Variants in GPR84 observed in about 807,000 individuals in gnomAD.
The protein encoded by GPR84 is G-protein coupled receptor 84.
Under a neutral mutation model 14.9 loss-of-function variants are expected in GPR84, and 8 were observed. That is an observed-to-expected ratio of 0.54 (90% CI 0.31 to 0.97). The LOEUF is 0.97. Ranked by LOEUF, GPR84 falls within the 50% of genes least tolerant of loss-of-function variation. The pLI, the probability that GPR84 is intolerant of heterozygous loss-of-function variation, is 0.04. For synonymous variants in GPR84, 164 were observed against 198.1 expected, an observed-to-expected ratio of 0.83 and a Z score of 1.45; for missense variants, 424 against 498.7, an observed-to-expected ratio of 0.85 and a Z score of 1.43.
At chr12:54,356,492 C>T in the GPR84 span, among the ~76,000 whole-genome samples, 19 of 152,242 alleles carry the variant, frequency 1.2e-4, no homozygotes, top group African/African-American at 4.3e-4. Context: ...GGACAGCTCC[C>T]GCAGCTTCTC....
At chr12:54,356,523 C>T in the GPR84 span, among the ~76,000 whole-genome samples, 1 of 152,224 alleles carries the variant, frequency 6.6e-6, no homozygotes, top group African/African-American at 2.4e-5. Context: ...TGGAAGCCCA[C>T]CACCAGCCCC....
rs748207216 is a variant in GPR84 at position 54,362,941 on chromosome 12, G to A, written c.911C>T (p.Ala304Val). The change falls in exon 2 of 2, where the codon GCC becomes GTC. Residue 304 changes from alanine (A) to valine (V), a missense_variant. Transcript: ENST00000267015. The surrounding 1 kb of genome is among the most constrained non-coding windows in gnomAD (Gnocchi z 4.0). Reference sequence around the variant, plus strand: ...CGATGAAGAATCCGGAGCTCTTCTGGCTCCTTTAATTGGCTGGGCTTTGGC... The same window carrying A: ...CGATGAAGAATCCGGAGCTCTTCTGACTCCTTTAATTGGCTGGGCTTTGGC... Reference protein sequence around the residue: ...ASAKAQPIKGARRAPDSSSEF... With the variant: ...ASAKAQPIKGVRRAPDSSSEF... 3.1e-6 allele frequency: 5 copies of A among 1,614,224 alleles called. No individual in the cohort carries two copies. The African/African-American group carries it at 6.7e-5, about 22-fold the overall frequency.
chr12:54,358,841 T>C (rs893314612), downstream of GPR84, among the ~76,000 whole-genome samples: 1 of 152,118 alleles, frequency 6.6e-6, no homozygotes, highest in Non-Finnish European at 1.5e-5. Context: ...TCTGTCATCC[T>C]TTTGCCCTCT....
downstream of GPR84, among the ~76,000 whole-genome samples, chr12:54,362,091 G>A (rs1244124363): frequency 2.0e-5 from 3 of 152,206 alleles, no homozygotes; most frequent in African/African-American, 7.2e-5. This position sits in a 1 kb window ranked among gnomAD's most constrained non-coding sequence, Gnocchi z 4.0. Context: ...TAGGGATGGC[G>A]GATCCTGGCA....
chr12:54,355,874 C>T, the GPR84 span, among the ~76,000 whole-genome samples: 1 of 152,182 alleles, frequency 6.6e-6, no homozygotes, highest in Admixed American at 6.5e-5. Flanking sequence ...GTGGCTGCTG[C>T]TCACAACCCC....
chr12:54,358,801 C>A (rs533118293), downstream of GPR84, among the ~76,000 whole-genome samples: 3 of 152,180 alleles, frequency 2.0e-5, no homozygotes, highest in South Asian at 6.2e-4. Flanking sequence ...TCTTCCCCTG[C>A]CTTCCTTCTC....
At chr12:54,351,537 A>G in the GPR84 span, 8 of 152,182 alleles carry the variant, frequency 5.3e-5, no homozygotes, top group African/African-American at 1.7e-4. Flanking sequence ...GGTCGCTGAG[A>G]GAGGTGCTTT....
chr12:54,363,787 A>T lies in GPR84; in HGVS notation c.65T>A (p.Val22Asp), dbSNP rs763224433. The T allele has an allele frequency of 6.2e-7, 1 of 1,613,210 alleles. No individual in the cohort carries two copies. The highest frequency in any genetic ancestry group is 1.7e-5 in the Admixed American group (1 of 59,992). ...CACCACCACCCCCCAGCTAACTGCAACATAACGATAGCCCAGCACAGACTC... is the reference window on the plus strand; with the variant it reads ...CACCACCACCCCCCAGCTAACTGCATCATAACGATAGCCCAGCACAGACTC... ...YHESVLGYRY[V>D]AVSWGVVVAV... is the part of the protein sequence containing the mutation. The change falls in exon 2 of 2, where the codon GTT (valine) becomes GAT (aspartate). Residue 22 changes from valine to aspartate, a missense_variant. Transcript: ENST00000267015.
At position 54,362,806 on chromosome 12, in the gene GPR84, C is replaced by T. The variant is rs559035355; in HGVS notation, c.1046G>A (p.Arg349Gln). ...GTTGGCAGCAAGCATGTGGACCACC[C>T]GGGGAGCCTGGACTCTGGCATCCAG... ...NILDARVQAP[R>Q]VVHMLAANLT... Residue 349 changes from arginine to glutamine, a missense_variant, in exon 2 of 2, where the codon CGG becomes CAG. By Grantham distance (43) the Arg-to-Gln change is conservative. Transcript: ENST00000267015. The surrounding 1 kb of genome is among the most constrained non-coding windows in gnomAD (Gnocchi z 4.0). 1.4e-5 allele frequency: 23 copies of T among 1,614,144 alleles called. No individual in the cohort carries two copies. Among genetic ancestry groups the T allele is most frequent in the South Asian group, 6.6e-5 (6 of 91,074 alleles).
At chr12:54,364,024 A>C (rs1407145171) in intron 1 of GPR84, 165 bp from the exon 2 acceptor site, 7 of 523,792 alleles carry the variant, frequency 1.3e-5, no homozygotes, top group Non-Finnish European at 2.0e-5. Flanking sequence ...CAAGATCCCT[A>C]ACTCTCTCCT....
Position 54,362,932 on chromosome 12 carries a change from G to A in GPR84, c.920C>T (p.Ala307Val). Residue 307 changes from alanine to valine, a missense_variant, in exon 2 of 2, where the codon GCT (alanine) becomes GTT (valine). Physicochemically the swap from Ala to Val is moderately conservative, Grantham distance 64 (BLOSUM62 0). Transcript: ENST00000267015. This position sits in a 1 kb window ranked among gnomAD's most constrained non-coding sequence, Gnocchi z 4.0. ...KAQPIKGARRAPDSSSEFGKV... is the reference protein window; with the variant it reads ...KAQPIKGARRVPDSSSEFGKV... ...CCCAAATTCCGATGAAGAATCCGGA[G>A]CTCTTCTGGCTCCTTTAATTGGCTG... is the stretch of plus-strand genomic sequence containing the variant. 4 of 1,614,252 alleles carry A rather than the reference G, an allele frequency of 2.5e-6. No homozygotes were observed. Among genetic ancestry groups the A allele is most frequent in the Non-Finnish European group, 3.4e-6 (4 of 1,180,038 alleles).
At chr12:54,358,589 A>G (rs557800705), downstream of GPR84, among the ~76,000 whole-genome samples, 139 of 151,694 alleles carry the variant, frequency 9.2e-4, no homozygotes, top group Non-Finnish European at 1.6e-3. Flanking sequence ...TTTCCTTTTC[A>G]GAGCCATTGT....
At chr12:54,350,812 C>T in the GPR84 span, 3 of 465,044 alleles carry the variant, frequency 6.5e-6, no homozygotes, top group African/African-American at 1.9e-5. Flanking sequence ...CTCCCTTGCC[C>T]TGACATTTTT....
At chr12:54,355,420 T>A in the GPR84 span, among the ~76,000 whole-genome samples, 1 of 152,014 alleles carries the variant, frequency 6.6e-6, no homozygotes, top group Non-Finnish European at 1.5e-5. Flanking sequence ...TTTTTCCACT[T>A]CTTTCAGCAG....
chr12:54,359,448 A>T (rs527775406), downstream of GPR84, among the ~76,000 whole-genome samples: 2 of 130,142 alleles, frequency 1.5e-5, no homozygotes, highest in Non-Finnish European at 1.6e-5. Flanking sequence ...GGCAGCGGGG[A>T]TTGGAGAGAC....
Position 54,363,536 on chromosome 12 carries a change from C to T in GPR84, c.316G>A (p.Val106Ile). Residue 106 changes from valine (V) to isoleucine (I), a missense_variant, in exon 2 of 2, where the codon GTC becomes ATC. Val to Ile is a conservative substitution (Grantham distance 29, BLOSUM62 3). Transcript: ENST00000267015. Reference sequence around the variant, plus strand: ...ATGAGGCAGAGGGTCAGGATGGAGACAGAATTGGAGGCAAAAAGGAGGAGC... The same window carrying T: ...ATGAGGCAGAGGGTCAGGATGGAGATAGAATTGGAGGCAAAAAGGAGGAGC... ...FGLLLFASNS[V>I]SILTLCLIAL... 1.2e-6 allele frequency: 2 copies of T among 1,613,964 alleles called. No individual in the cohort carries two copies. The highest frequency in any genetic ancestry group is 1.1e-5 in the South Asian group (1 of 91,078).
At chr12:54,353,551 TCCTCTC>T in the GPR84 span, 1 of 149,758 alleles carries the variant, frequency 6.7e-6, no homozygotes, top group Non-Finnish European at 1.5e-5. Context: ...CCTCCTCCAC[TCCTCTC>T]CCTCTCCCTC....
At chr12:54,362,432 C>T (rs1954278405), downstream of GPR84, 1 of 469,786 alleles carries the variant, frequency 2.1e-6, no homozygotes. The surrounding 1 kb of genome is among the most constrained non-coding windows in gnomAD (Gnocchi z 4.0). Context: ...TCCCCAGAGA[C>T]CACACCTGAG....
the GPR84 span, among the ~76,000 whole-genome samples, chr12:54,355,253 C>T: frequency 9.2e-5 from 14 of 151,930 alleles, no homozygotes; most frequent in Non-Finnish European, 1.0e-4. Context: ...CAAGAGAAGG[C>T]CACTAGGGAG....
Sources: allele counts gnomAD v4.1 joint callset (sites outside exome capture counted in the v4.1 genomes callset), GRCh38; gene constraint gnomAD v4.1.1; non-coding constraint Gnocchi (gnomAD v3.1); transcripts MANE v1.5; gene names NCBI Gene and HGNC (gene_info 2026-07-23, HGNC 2026-07-21).